GRIA4: variants seen among roughly 807,000 people sequenced by gnomAD.
GRIA4 encodes glutamate receptor 4.
GRIA4 carries 34 observed loss-of-function variants against 104.0 expected under a neutral mutation model. That is an observed-to-expected ratio of 0.33 (90% confidence interval 0.25 to 0.44). The LOEUF is 0.44. Ranked by LOEUF, GRIA4 falls within the 20% of genes least tolerant of loss-of-function variation. The pLI is 1.00. For synonymous variants in GRIA4, 386 were observed against 381.9 expected, an observed-to-expected ratio of 1.01 and a Z score of -0.13; for missense variants, 750 against 1,096.5, an observed-to-expected ratio of 0.68 and a Z score of 4.46.
At chr11:105,889,827 G>A (rs1946397059) in intron 6 of GRIA4, among the ~76,000 whole-genome samples, 2 of 152,178 alleles carry the variant, frequency 1.3e-5, no homozygotes, top group East Asian at 3.8e-4. Flanking sequence ...GTTGCAGAAT[G>A]CAAGGTGAAT....
chr11:105,720,132 G>A (rs773771488), intron 3 of GRIA4, among the ~76,000 whole-genome samples: 3 of 149,546 alleles, frequency 2.0e-5, no homozygotes, highest in Non-Finnish European at 4.4e-5. Flanking sequence ...TTTTTTTTTA[G>A]CCAAAAGTAC....
intron 14 of GRIA4, among the ~76,000 whole-genome samples, chr11:105,950,913 G>A (rs1185666086): frequency 6.6e-6 from 1 of 152,014 alleles, no homozygotes; most frequent in Non-Finnish European, 1.5e-5. Context: ...GGAAACCAAA[G>A]GTATCCTGGT....
chr11:105,815,337 A>G (rs60403884), intron 4 of GRIA4, among the ~76,000 whole-genome samples: 1,851 of 152,222 alleles, frequency 0.012, 41 homozygotes, highest in African/African-American at 0.042. Flanking sequence ...CCCAAAACAA[A>G]TCCTTTACTT....
At chr11:105,775,176 C>A (rs1156726290) in intron 4 of GRIA4, among the ~76,000 whole-genome samples, 2 of 152,098 alleles carry the variant, frequency 1.3e-5, no homozygotes, top group African/African-American at 4.8e-5. Context: ...TCTCCTCTTG[C>A]ATCCCTCTTA....
chr11:105,691,632 C>T (rs1234663972), intron 3 of GRIA4, among the ~76,000 whole-genome samples: 4 of 151,970 alleles, frequency 2.6e-5, no homozygotes, highest in African/African-American at 9.7e-5. Flanking sequence ...TAAATGCCAA[C>T]ACATGTTAAA....
chr11:105,632,368 G>C (rs1276876536), intron 3 of GRIA4, among the ~76,000 whole-genome samples: 1 of 152,160 alleles, frequency 6.6e-6, no homozygotes, highest in Admixed American at 6.5e-5. Context: ...CAGTTTCAAA[G>C]ACCATAGCAC....
intron 9 of GRIA4, among the ~76,000 whole-genome samples, chr11:105,906,317 A>G (rs762559129): frequency 6.6e-6 from 1 of 152,038 alleles, no homozygotes; most frequent in Non-Finnish European, 1.5e-5. Context: ...TACTCTTAGT[A>G]TTTTCTCCCT....
intron 3 of GRIA4, among the ~76,000 whole-genome samples, chr11:105,690,240 T>C (rs1953036400): frequency 6.6e-6 from 1 of 152,250 alleles, no homozygotes; most frequent in Admixed American, 6.5e-5. Flanking sequence ...CAACTCTCAC[T>C]GCTTCTGCCT....
chr11:105,615,376 C>T (rs1019455733), intron 3 of GRIA4, among the ~76,000 whole-genome samples: 7 of 151,912 alleles, frequency 4.6e-5, no homozygotes, highest in African/African-American at 1.4e-4. Context: ...ATAAATCCCA[C>T]ATTCCTGAGG....
intron 9 of GRIA4, among the ~76,000 whole-genome samples, chr11:105,907,780 C>G (rs1329436203): frequency 1.3e-5 from 2 of 152,168 alleles, no homozygotes; most frequent in African/African-American, 4.8e-5. Context: ...ATCCTCATGA[C>G]AACCTAAAAA....
At chr11:105,865,517 T>C (rs560411826) in intron 5 of GRIA4, among the ~76,000 whole-genome samples, 85 of 152,318 alleles carry the variant, frequency 5.6e-4, no homozygotes, top group South Asian at 1.2e-3. Flanking sequence ...CCTAGCTTTA[T>C]TCCTTTCACC....
intron 3 of GRIA4, among the ~76,000 whole-genome samples, chr11:105,619,203 T>G (rs1950678224): frequency 6.6e-6 from 1 of 151,972 alleles, no homozygotes; most frequent in Non-Finnish European, 1.5e-5. Flanking sequence ...CCAGATGAGT[T>G]TGAATTGGCA....
chr11:105,717,123 TTATC>T (rs1371967893), intron 3 of GRIA4, among the ~76,000 whole-genome samples: 1 of 152,092 alleles, frequency 6.6e-6, no homozygotes, highest in Non-Finnish European at 1.5e-5. Flanking sequence ...GAGGTTAACA[TTATC>T]TTCATCTCCA....
chr11:105,965,563 GGAAT>G (rs5794438), intron 14 of GRIA4, among the ~76,000 whole-genome samples: 98,137 of 151,530 alleles, frequency 0.65, 31,765 homozygotes, highest in Middle Eastern at 0.73. Context: ...TTTCCTTGTG[GGAAT>G]GAATTTTAAT....
chr11:105,829,475 G>C (rs1218565640), intron 4 of GRIA4, among the ~76,000 whole-genome samples: 1 of 151,988 alleles, frequency 6.6e-6, no homozygotes, highest in Admixed American at 6.6e-5. Context: ...AGTGACAAAA[G>C]TGGCAAGGAC....
At chr11:105,765,176 C>G (rs1940874193) in intron 4 of GRIA4, among the ~76,000 whole-genome samples, 2 of 152,090 alleles carry the variant, frequency 1.3e-5, no homozygotes, top group African/African-American at 4.8e-5. Context: ...CCCAACTTAG[C>G]AAAAGCCATT....
intron 3 of GRIA4, among the ~76,000 whole-genome samples, chr11:105,694,405 C>G (rs1953197068): frequency 6.6e-6 from 1 of 152,014 alleles, no homozygotes; most frequent in Non-Finnish European, 1.5e-5. Context: ...CCTCGGCCTC[C>G]CAAAGTGCTG....
intron 4 of GRIA4, among the ~76,000 whole-genome samples, chr11:105,831,709 T>C (rs1206960220): frequency 1.3e-5 from 2 of 151,944 alleles, no homozygotes; most frequent in Non-Finnish European, 2.9e-5. Flanking sequence ...CTCTTCTCTA[T>C]TGTAGGAAAT....
chr11:105,637,616 T>C (rs1474510662), intron 3 of GRIA4, among the ~76,000 whole-genome samples: 1 of 152,180 alleles, frequency 6.6e-6, no homozygotes, highest in African/African-American at 2.4e-5. Flanking sequence ...AGTTAACATG[T>C]AGACTAGAGA....
Sources: gnomAD v4.1 joint callset for allele counts (sites outside exome capture counted in the v4.1 genomes callset) on GRCh38, gnomAD v4.1.1 for gene constraint, MANE v1.5 for transcripts, NCBI Gene and HGNC (gene_info 2026-07-23, HGNC 2026-07-21) for gene names.